Variants in RGMB observed in about 807,000 individuals in gnomAD.
RGMB encodes the protein repulsive guidance molecule BMP co-receptor b.
Under a neutral mutation model 26.9 loss-of-function variants are expected in RGMB, and 16 were observed. That is an observed-to-expected ratio of 0.60 (90% CI 0.40 to 0.90). RGMB has a LOEUF of 0.90. Among genes scored for constraint, RGMB ranks in the 40% least tolerant of loss-of-function variants. The probability of loss-of-function intolerance (pLI) is 0.00; values close to 1 mark genes in which losing one functional copy is unlikely to be tolerated. For missense variants in RGMB, 512 were observed against 573.3 expected (o/e 0.89, Z 1.09); for synonymous variants, 225 against 229.3 (o/e 0.98, Z 0.17).
chr5:98,793,824 T>C lies in RGMB; in HGVS notation c.*71T>C. On this transcript the variant is annotated 3_prime_UTR_variant, in exon 3 of 3. Transcript: ENST00000513185. The stretch of plus-strand genomic sequence containing the variant: ...TTTTAAAATATATATTGTCATAATA[T>C]ATTGAGTAAAAGAGTATATATGTAT... 8.4e-7 allele frequency: 1 copy of C among 1,191,194 alleles called. No individual in the cohort carries two copies. The highest frequency in any genetic ancestry group is 1.7e-5 in the South Asian group (1 of 60,528). 73.8% of individuals were successfully genotyped at this position (1,191,194 alleles called of 1,614,324 possible).
intron 1 of RGMB, among the ~76,000 whole-genome samples, chr5:98,777,633 T>G (rs1746459398): frequency 6.6e-6 from 1 of 152,238 alleles, no homozygotes. Flanking sequence ...GCAAAATGGC[T>G]TTAACGCCTT....
intron 2 of RGMB, among the ~76,000 whole-genome samples, chr5:98,791,699 A>G (rs986809937): frequency 1.3e-5 from 2 of 152,106 alleles, no homozygotes; most frequent in Non-Finnish European, 2.9e-5. Flanking sequence ...TAGCAATGAT[A>G]CAATTCTCAA....
chr5:98,781,528 C>T (rs1178964554), intron 2 of RGMB, among the ~76,000 whole-genome samples: 1 of 152,048 alleles, frequency 6.6e-6, no homozygotes, highest in Non-Finnish European at 1.5e-5. Context: ...GCCCCAAATC[C>T]ATCATTACTG....
At chr5:98,775,989 CTA>C (rs1368513737) in intron 1 of RGMB, among the ~76,000 whole-genome samples, 16 of 152,234 alleles carry the variant, frequency 1.1e-4, no homozygotes, top group Non-Finnish European at 1.9e-4. Context: ...AGATGGACTA[CTA>C]TATGTTTTAT....
chr5:98,791,428 G>A (rs563526702), intron 2 of RGMB, among the ~76,000 whole-genome samples: 6 of 152,198 alleles, frequency 3.9e-5, no homozygotes, highest in East Asian at 3.9e-4. Flanking sequence ...AATGCTGGCC[G>A]AGTTGGAGAA....
chr5:98,776,303 G>A (rs1460947057), intron 1 of RGMB, among the ~76,000 whole-genome samples: 13 of 152,254 alleles, frequency 8.5e-5, no homozygotes, highest in Admixed American at 8.5e-4. Flanking sequence ...TGTAGCTGCA[G>A]AGTTTTAATT....
intron 1 of RGMB, among the ~76,000 whole-genome samples, chr5:98,776,576 G>GTT (rs763430779): frequency 3.3e-3 from 508 of 152,278 alleles, no homozygotes; most frequent in Non-Finnish European, 6.0e-3. Context: ...ATGAAGCCTG[G>GTT]ATATTTCTGG....
rs1415451423 is a variant in RGMB at position 98,793,848 on chromosome 5, A to G, written c.*95A>G. On this transcript the variant is annotated 3_prime_UTR_variant, in exon 3 of 3. Transcript: ENST00000513185. ...ATATTGAGTAAAAGAGTATATATGT[A>G]TATACCATGTATATGACAGGATGTT... 6.4e-6 allele frequency: 6 copies of G among 937,562 alleles called. No individual in the cohort carries two copies. Among genetic ancestry groups the G allele is most frequent in the South Asian group, 1.9e-5 (1 of 53,938 alleles). 58.1% of individuals were successfully genotyped at this position (937,562 alleles called of 1,614,324 possible).
At chr5:98,776,476 T>C (rs1281308684) in intron 1 of RGMB, among the ~76,000 whole-genome samples, 1 of 152,216 alleles carries the variant, frequency 6.6e-6, no homozygotes, top group Non-Finnish European at 1.5e-5. Flanking sequence ...ATCCTTGAGA[T>C]TGTTTCTGCT....
chr5:98,770,748 C>T (rs1387694329), upstream of RGMB: 1 of 863,534 alleles, frequency 1.2e-6, no homozygotes, highest in Non-Finnish European at 1.6e-6. Flanking sequence ...ATTTTCTCTC[C>T]TTTCCTTTCC....
At chr5:98,778,249 T>G (rs1746476005) in intron 1 of RGMB, among the ~76,000 whole-genome samples, 1 of 152,182 alleles carries the variant, frequency 6.6e-6, no homozygotes, top group Non-Finnish European at 1.5e-5. Flanking sequence ...AGGCTAAATT[T>G]TAAGTCTTTA....
In RGMB at chr5:98,773,893, C is replaced by T; in HGVS notation, c.-178C>T. The stretch of plus-strand genomic sequence containing the variant: ...CTGCTGCCGCCGCGGACTGGCTGCG[C>T]CGGCTGCGCGCTGCTTGCTGCGGCG... On this transcript the variant is annotated 5_prime_UTR_variant, in exon 1 of 3. Transcript: ENST00000513185. The T allele has an allele frequency of 3.8e-6, 2 of 521,096 alleles. No homozygotes were observed. The highest frequency in any genetic ancestry group is 6.7e-6 in the Non-Finnish European group (2 of 298,326). 32.3% of individuals were successfully genotyped at this position (521,096 alleles called of 1,614,324 possible).
intron 1 of RGMB, 143 bp downstream of exon 1, chr5:98,774,349 T>C: frequency 2.3e-6 from 2 of 863,324 alleles, no homozygotes; most frequent in Non-Finnish European, 3.2e-6. Context: ...GACACGCACC[T>C]CTGTCGGGCT....
At position 98,794,973 on chromosome 5, in the gene RGMB, C is replaced by G. The variant is rs185882726; in HGVS notation, c.*1220C>G. The G allele has an allele frequency of 3.3e-5, 5 of 152,364 alleles. No individual in the cohort carries two copies. Among genetic ancestry groups the G allele is most frequent in the African/African-American group, 1.2e-4 (5 of 41,588 alleles). The allele number at this position is 152,364 out of a possible 1,614,324, so 9.4% of individuals were successfully genotyped here. A position where few individuals can be genotyped will look rare whatever the true frequency, so the allele number is the denominator to read the frequency against. The stretch of plus-strand genomic sequence containing the variant: ...TGCTTAATCCAGATATTCTTGTTAA[C>G]TAAGCATTGTGCTTCCCAGGTGGTC... On this transcript the variant is annotated 3_prime_UTR_variant, in exon 3 of 3. Coordinates refer to ENST00000513185, the MANE Select transcript of RGMB (RefSeq NM_001366508.1).
chr5:98,792,513 C>T (rs540365133), intron 2 of RGMB, among the ~76,000 whole-genome samples: 7 of 152,014 alleles, frequency 4.6e-5, no homozygotes, highest in Admixed American at 2.0e-4. Context: ...GTGGGAGGAT[C>T]GCTTGAGGCC....
In RGMB at chr5:98,793,957, A is replaced by G. The variant is rs1010373044; in HGVS notation, c.*204A>G. The stretch of plus-strand genomic sequence containing the variant: ...GATGTAGTGTTCTTTGATTGTATCA[A>G]TTTTGTTTTGCAGTTCTGTGAAATG... On this transcript the variant is annotated 3_prime_UTR_variant, in exon 3 of 3. Coordinates refer to ENST00000513185, the MANE Select transcript of RGMB (RefSeq NM_001366508.1). 3 of 490,146 alleles carry G rather than the reference A, an allele frequency of 6.1e-6. No homozygotes were observed. Among genetic ancestry groups the G allele is most frequent in the Non-Finnish European group, 7.1e-6 (2 of 283,288 alleles). 30.4% of individuals were successfully genotyped at this position (490,146 alleles called of 1,614,324 possible). A position where few individuals can be genotyped will look rare whatever the true frequency, so the allele number is the denominator to read the frequency against.
intron 1 of RGMB, among the ~76,000 whole-genome samples, chr5:98,775,515 T>A (rs897906618): frequency 3.3e-5 from 5 of 152,008 alleles, no homozygotes; most frequent in Non-Finnish European, 7.4e-5. Flanking sequence ...TATTCAGGAG[T>A]GTTTGTGCGA....
Position 98,774,096 on chromosome 5 carries a change from G to T in RGMB, c.26G>T (p.Ser9Ile). The T allele has an allele frequency of 8.1e-7, 1 of 1,236,086 alleles. No homozygotes were observed. Among genetic ancestry groups the T allele is most frequent in the Non-Finnish European group, 1.1e-6 (1 of 886,314 alleles). The allele number at this position is 1,236,086 out of a possible 1,614,324, so 76.6% of individuals were successfully genotyped here. MGLRAAPSSAAAAAAEVEQ... is the reference protein window; with the variant it reads MGLRAAPSIAAAAAAEVEQ... ...ATGGGCTTGAGAGCAGCACCTTCCA[G>T]CGCCGCCGCTGCCGCCGCCGAGGTT... The change falls in exon 1 of 3, where the codon AGC (serine) becomes ATC (isoleucine). Residue 9 changes from serine to isoleucine, a missense_variant. Physicochemically the swap from Ser to Ile is moderately radical, Grantham distance 142. Coordinates refer to ENST00000513185, the MANE Select transcript of RGMB (RefSeq NM_001366508.1).
chr5:98,772,340 T>TA (rs1746193696), upstream of RGMB, among the ~76,000 whole-genome samples: 1 of 152,248 alleles, frequency 6.6e-6, no homozygotes, highest in Non-Finnish European at 1.5e-5. Context: ...ATGTGTCTAA[T>TA]AAGTGAGCTG....
Sources: gnomAD v4.1 joint callset for allele counts (sites outside exome capture counted in the v4.1 genomes callset) on GRCh38, gnomAD v4.1.1 for gene constraint, MANE v1.5 for transcripts, NCBI Gene and HGNC (gene_info 2026-07-23, HGNC 2026-07-21) for gene names.